The following EMC1 variants were observed in gnomAD, a reference collection of about 807,000 sequenced individuals.
EMC1 encodes ER membrane protein complex subunit 1.
A neutral mutation model predicts 128.8 loss-of-function variants in EMC1; 103 were observed. The ratio of observed to expected loss-of-function variants is 0.80; its 90% CI spans 0.68 to 0.94. EMC1 has a LOEUF of 0.94. EMC1 is among the 40% of genes least tolerant of loss of function. EMC1 has a pLI of 0.00. For synonymous variants in EMC1, 442 were observed against 490.4 expected (o/e 0.90, Z 1.30); for missense variants, 1,083 against 1,250.6 (o/e 0.87, Z 2.02).
intron 9 of EMC1, 53 bp downstream of exon 9, chr1:19,239,178 G>T: frequency 6.6e-7 from 1 of 1,521,606 alleles, no homozygotes; most frequent in Non-Finnish European, 9.1e-7. Context: ...AGGGTTCCTA[G>T]TGGAGACCAG....
intron 18 of EMC1, among the ~76,000 whole-genome samples, chr1:19,224,839 T>C (rs751876441): frequency 6.6e-6 from 1 of 152,162 alleles, no homozygotes; most frequent in Non-Finnish European, 1.5e-5. Context: ...TCCTCACTCA[T>C]CATCTTCTAG....
At chr1:19,232,255 C>T (rs947961642) in intron 15 of EMC1, among the ~76,000 whole-genome samples, 7 of 152,178 alleles carry the variant, frequency 4.6e-5, no homozygotes, top group East Asian at 1.9e-4. Flanking sequence ...CTACCAAGCC[C>T]GCCTTCTATG....
chr1:19,248,305 C>T (rs2093641063), intron 1 of EMC1, among the ~76,000 whole-genome samples: 1 of 152,188 alleles, frequency 6.6e-6, no homozygotes, highest in East Asian at 1.9e-4. Context: ...TTAGGTGATC[C>T]TCCCACCTCA....
At chr1:19,242,220 A>G (rs1484457187) in intron 5 of EMC1, 125 bp downstream of exon 5, 20 of 978,912 alleles carry the variant, frequency 2.0e-5, no homozygotes, top group Non-Finnish European at 3.1e-5. Context: ...AGTGCAACAC[A>G]CTCCATGGAA....
chr1:19,245,254 A>G (rs2093626496), intron 1 of EMC1, among the ~76,000 whole-genome samples: 1 of 152,148 alleles, frequency 6.6e-6, no homozygotes, highest in Non-Finnish European at 1.5e-5. Context: ...CCTGATCAAC[A>G]TGGAGAAACC....
chr1:19,248,062 T>C (rs1572035474), intron 1 of EMC1, among the ~76,000 whole-genome samples: 1 of 152,028 alleles, frequency 6.6e-6, no homozygotes, highest in Non-Finnish European at 1.5e-5. Context: ...GGCATTGTTA[T>C]CACAGATGAT....
Position 19,227,359 on chromosome 1 carries a change from A to G in EMC1, c.2156T>C (p.Val719Ala), listed in dbSNP as rs2093483044. The stretch of plus-strand genomic sequence containing the variant: ...CCCCATCACACGGCCCTGGGAATGA[A>G]CGTGCTCACTGCTGCGTTTCCCCTT... Reference protein sequence around the residue: ...KVKGKRSSEHVHSQGRVMGDR... With the variant: ...KVKGKRSSEHAHSQGRVMGDR... The change falls in exon 18 of 23, where the codon GTT becomes GCT. Residue 719 changes from valine (V) to alanine (A), a missense_variant. Val to Ala is a moderately conservative substitution (Grantham distance 64, BLOSUM62 0). This residue lies in a region of EMC1 where 527 missense variants were observed against 644.1 expected (regional missense o/e 0.82). Transcript: ENST00000477853. 1 of 1,614,058 alleles carries G rather than the reference A, an allele frequency of 6.2e-7. No individual in the cohort carries two copies. Among genetic ancestry groups the G allele is most frequent in the South Asian group, 1.1e-5 (1 of 91,084 alleles).
chr1:19,245,790 A>G (rs1030448703), intron 1 of EMC1, among the ~76,000 whole-genome samples: 10 of 151,180 alleles, frequency 6.6e-5, no homozygotes, highest in African/African-American at 2.4e-4. Flanking sequence ...ACGCCCGGCT[A>G]ATTTTTTTGT....
rs748843419 is a variant in EMC1 at position 19,230,869 on chromosome 1, C to T, written c.2039G>A (p.Arg680Gln). 1.1e-5 allele frequency: 17 copies of T among 1,614,078 alleles called. No individual in the cohort carries two copies. The Admixed American group carries it at 1.8e-4, about 17-fold the overall frequency. ...FFYLVDAEQGRLCGYRLRKDL... is the reference protein window; with the variant it reads ...FFYLVDAEQGQLCGYRLRKDL... ...CTTTCGAAGCCGATATCCACACAGC[C>T]GTCCCTGCTCTGCATCCACCAAATA... The change falls in exon 17 of 23, where the codon CGG becomes CAG. Residue 680 changes from arginine to glutamine, a missense_variant. Around this residue, in one of 3 missense-constraint regions of EMC1, gnomAD observed 527 missense variants for 644.1 expected, o/e 0.82. Transcript: ENST00000477853.
chr1:19,236,659 C>CA (rs34407393), intron 12 of EMC1, among the ~76,000 whole-genome samples: 296 of 100,702 alleles, frequency 2.9e-3, no homozygotes, highest in East Asian at 0.018. Flanking sequence ...AACTCCGTCT[C>CA]AAAAAAAAAA....
chr1:19,250,859 G>A (rs78400964), intron 1 of EMC1, among the ~76,000 whole-genome samples: 2,444 of 152,270 alleles, frequency 0.016, 66 homozygotes, highest in African/African-American at 0.049. Context: ...GGGCCTTAAG[G>A]AAGACGTGGG....
rs749905447 is a variant in EMC1, at chr1:19,233,102, G to A, written c.1466C>T (p.Ser489Leu). The A allele has an allele frequency of 2.9e-5, 46 of 1,614,030 alleles. No individual in the cohort carries two copies. The highest frequency in any genetic ancestry group is 4.4e-5 in the South Asian group (4 of 91,078). Reference sequence around the variant, plus strand: ...TGCTTGCAGCAGGATAAGCTGAGACGAGAGGCGTTTCAGGAACATCCCCAG... The same window carrying A: ...TGCTTGCAGCAGGATAAGCTGAGACAAGAGGCGTTTCAGGAACATCCCCAG... ...GLLGMFLKRL[S>L]SQLILLQAWT... The change falls in exon 14 of 23, where the codon TCG (serine) becomes TTG (leucine). Residue 489 changes from serine to leucine, a missense_variant. Transcript: ENST00000477853.
chr1:19,227,206 G>A, intron 18 of EMC1, 107 bp downstream of exon 18: 2 of 1,235,436 alleles, frequency 1.6e-6, no homozygotes, highest in South Asian at 1.4e-5. Flanking sequence ...GGGATTAAAT[G>A]ACTTACTCAA....
chr1:19,231,158 T>G (rs774500690), intron 16 of EMC1, 103 bp downstream of exon 16: 10 of 1,393,414 alleles, frequency 7.2e-6, no homozygotes, highest in Non-Finnish European at 9.8e-6. Flanking sequence ...CCCAAACACG[T>G]GCTGGGTGCA....
rs11587577 is a variant in EMC1 at position 19,237,755 on chromosome 1, C to T, written c.1212+262G>A. On this transcript the variant is annotated intron_variant, in intron 11 of 22. Transcript: ENST00000477853. ...ATTTTAAAACCAGGTCAGGAACAACCGCTTCATGAGAGTGTTTGGAGGGTT... is the reference window on the plus strand; with the variant it reads ...ATTTTAAAACCAGGTCAGGAACAACTGCTTCATGAGAGTGTTTGGAGGGTT... Among the ~76,000 whole-genome samples the T allele has an allele frequency of 3.0e-3, 452 of 152,298 alleles. 2 individuals carry two copies. The highest frequency in any genetic ancestry group is 0.011 in the African/African-American group (440 of 41,554).
At position 19,216,349 on chromosome 1, in the gene EMC1, A is replaced by G. The variant is rs2093397013; in HGVS notation, c.*2954T>C. 4 of 152,236 alleles carry G rather than the reference A, an allele frequency of 2.6e-5. No homozygotes were observed. In the South Asian group the frequency reaches 8.3e-4, roughly 32 times the overall value. The allele number at this position is 152,236 out of a possible 1,614,324, so 9.4% of individuals were successfully genotyped here. A position where few individuals can be genotyped will look rare whatever the true frequency, so the allele number is the denominator to read the frequency against. ...CACACAAATAATGAAACTAGTTCAG[A>G]TTAGATAGCTTACATTAAAGTCTCT... On this transcript the variant is annotated 3_prime_UTR_variant, in exon 23 of 23. Transcript: ENST00000477853.
rs1319339332 is a variant in EMC1, at chr1:19,239,305, G to A, written c.955-3C>T. On this transcript the variant is annotated splice_region_variant and splice_polypyrimidine_tract_variant and intron_variant, in intron 8 of 22. Transcript: ENST00000477853. ...GTGGCAAAGCTCACTAGGGCAGTCT[G>A]GGGGAAAAGCAAGGCATCAGCTCCT... is the stretch of plus-strand genomic sequence containing the variant. 1.9e-6 allele frequency: 3 copies of A among 1,613,882 alleles called. No homozygotes were observed. The Admixed American group carries it at 5.0e-5, about 27-fold the overall frequency.
At chr1:19,234,005 T>G (rs993313375) in intron 13 of EMC1, among the ~76,000 whole-genome samples, 2 of 152,022 alleles carry the variant, frequency 1.3e-5, no homozygotes, top group Admixed American at 1.3e-4. Flanking sequence ...CCACCTCTGC[T>G]CAAGGAAGAG....
At chr1:19,240,065 A>C (rs918408769) in intron 7 of EMC1, 80 bp from the exon 8 acceptor site, 1 of 1,436,278 alleles carries the variant, frequency 7.0e-7, no homozygotes, top group Non-Finnish European at 9.4e-7. Context: ...CCTCTGCCCT[A>C]CTTTGCCGGG....
Sources: allele counts gnomAD v4.1 joint callset (sites outside exome capture counted in the v4.1 genomes callset), GRCh38; gene constraint gnomAD v4.1.1; regional missense constraint gnomAD v4.1.1; transcripts MANE v1.5; gene names NCBI Gene and HGNC (gene_info 2026-07-23, HGNC 2026-07-21).